Variants in TECPR2 observed in about 807,000 individuals in gnomAD.
TECPR2 encodes the protein tectonin beta-propeller repeat containing 2.
Under a neutral mutation model 138.1 loss-of-function variants are expected in TECPR2, and 65 were observed. The observed-to-expected ratio is 0.47, with a 90% CI of 0.39 to 0.58. The LOEUF (loss-of-function observed/expected upper bound fraction) is 0.58, where lower values mean the gene tolerates loss of function less well. Among genes scored for constraint, TECPR2 ranks in the 20% least tolerant of loss-of-function variants. The pLI, the probability that TECPR2 is intolerant of heterozygous loss-of-function variation, is 0.00. For missense variants in TECPR2, 1,553 were observed against 1,824.5 expected (o/e 0.85, Z 2.71); for synonymous variants, 746 against 749.8 (o/e 0.99, Z 0.08).
chr14:102,432,170 C>A lies in TECPR2; in HGVS notation c.1417+42C>A, dbSNP rs759815596. Reference sequence around the variant, plus strand: ...GCACACACCCATCTGGGGTTACAGTCTTTCCAGATTCTCTGGGAGTGCTGC... The same window carrying A: ...GCACACACCCATCTGGGGTTACAGTATTTCCAGATTCTCTGGGAGTGCTGC... On this transcript the variant is annotated intron_variant, in intron 8 of 19. Coordinates refer to ENST00000359520, the MANE Select transcript of TECPR2 (RefSeq NM_014844.5). 2.5e-5 allele frequency: 37 copies of A among 1,451,236 alleles called. No homozygotes were observed. In the African/African-American group the frequency reaches 4.7e-4, roughly 18 times the overall value. 89.9% of individuals were successfully genotyped at this position (1,451,236 alleles called of 1,614,324 possible). A position where few individuals can be genotyped will look rare whatever the true frequency, so the allele number is the denominator to read the frequency against.
At chr14:102,409,584 C>T (rs1888765318) in intron 4 of TECPR2, among the ~76,000 whole-genome samples, 1 of 152,110 alleles carries the variant, frequency 6.6e-6, no homozygotes, top group African/African-American at 2.4e-5. Flanking sequence ...CAGGCGTGAG[C>T]CACCACGCCC....
At chr14:102,481,093 A>G (rs1398039129) in intron 17 of TECPR2, among the ~76,000 whole-genome samples, 7 of 149,796 alleles carry the variant, frequency 4.7e-5, no homozygotes, top group Admixed American at 2.0e-4. Flanking sequence ...GCTCACTACA[A>G]CCTCTGCCTC....
intron 17 of TECPR2, among the ~76,000 whole-genome samples, chr14:102,486,961 C>T (rs868275590): frequency 1.2e-4 from 19 of 152,294 alleles, no homozygotes; most frequent in South Asian, 1.2e-3. Context: ...ACAGCTACCA[C>T]GGGGCCATGT....
chr14:102,434,759 C>T lies in TECPR2; in HGVS notation c.1942C>T (p.Leu648Phe). ...TFCEVPLLNSLTVPSSLSWAP... is the reference protein window; with the variant it reads ...TFCEVPLLNSFTVPSSLSWAP... Reference sequence around the variant, plus strand: ...TTGTGAAGTCCCCCTCCTGAACTCACTCACTGTGCCTTCCAGCCTCAGCTG... The same window carrying T: ...TTGTGAAGTCCCCCTCCTGAACTCATTCACTGTGCCTTCCAGCCTCAGCTG... Residue 648 changes from leucine to phenylalanine, a missense_variant, in exon 9 of 20, where the codon CTC (leucine) becomes TTC (phenylalanine). Coordinates refer to ENST00000359520, the MANE Select transcript of TECPR2 (RefSeq NM_014844.5). 1 of 1,613,496 alleles carries T rather than the reference C, an allele frequency of 6.2e-7. No individual in the cohort carries two copies. The highest frequency in any genetic ancestry group is 8.5e-7 in the Non-Finnish European group (1 of 1,180,040).
At chr14:102,408,442 T>G (rs2139694620) in intron 3 of TECPR2, 46 bp from the exon 4 acceptor site, 1 of 1,568,934 alleles carries the variant, frequency 6.4e-7, no homozygotes, top group South Asian at 1.2e-5. Context: ...GCTCACAGCA[T>G]TTATCCTTTT....
chr14:102,464,585 A>C (rs577840923), intron 16 of TECPR2, among the ~76,000 whole-genome samples: 2 of 152,166 alleles, frequency 1.3e-5, no homozygotes, highest in East Asian at 3.9e-4. Flanking sequence ...GGATCTCACT[A>C]TGCTGCCCAA....
intron 17 of TECPR2, among the ~76,000 whole-genome samples, chr14:102,482,473 C>T (rs1414552595): frequency 6.6e-6 from 1 of 152,242 alleles, no homozygotes; most frequent in Non-Finnish European, 1.5e-5. Context: ...ATCTCTCCTG[C>T]ACCCTCTTGG....
intron 2 of TECPR2, among the ~76,000 whole-genome samples, chr14:102,396,128 A>T (rs1888308861): frequency 7.1e-6 from 1 of 140,738 alleles, no homozygotes; most frequent in African/African-American, 2.7e-5. Context: ...TTTGAGATGG[A>T]GTCTTGCTCT....
intron 1 of TECPR2, among the ~76,000 whole-genome samples, chr14:102,371,431 C>A (rs964643051): frequency 2.0e-5 from 3 of 152,196 alleles, no homozygotes; most frequent in Non-Finnish European, 4.4e-5. Context: ...CTCCTCCTAT[C>A]TGAATGGTGG....
chr14:102,418,069 G>A (rs1335506737), intron 5 of TECPR2, among the ~76,000 whole-genome samples: 1 of 152,158 alleles, frequency 6.6e-6, no homozygotes, highest in Admixed American at 6.5e-5. Context: ...GACATAAGGG[G>A]TTTGACGGGC....
At position 102,415,166 on chromosome 14, in the gene TECPR2, C is replaced by T. The variant is rs1184773318; in HGVS notation, c.638+373C>T. Among the ~76,000 whole-genome samples, 2 of 152,214 alleles carry T rather than the reference C, an allele frequency of 1.3e-5. No homozygotes were observed. The highest frequency in any genetic ancestry group is 2.9e-5 in the Non-Finnish European group (2 of 68,028). ...TGTGGGGCTCACTCGTTATTCAGCA[C>T]GTGTTTACCATGCACCCCTGTGCAC... On this transcript the variant is annotated intron_variant, in intron 5 of 19. Transcript: ENST00000359520. The surrounding 1 kb of genome is among the most constrained non-coding windows in gnomAD (Gnocchi z 4.3).
intron 2 of TECPR2, among the ~76,000 whole-genome samples, chr14:102,400,500 A>G (rs1888449011): frequency 6.6e-6 from 1 of 152,210 alleles, no homozygotes; most frequent in Non-Finnish European, 1.5e-5. Context: ...ACCCAGCTGT[A>G]ATGGAGTGGA....
intron 7 of TECPR2, among the ~76,000 whole-genome samples, chr14:102,430,410 C>T (rs1758163432): frequency 6.6e-6 from 1 of 152,224 alleles, no homozygotes; most frequent in Admixed American, 6.5e-5. Context: ...CAGCAGAGTC[C>T]TCCCCTCCAG....
chr14:102,400,732 A>G (rs78594911), intron 2 of TECPR2, among the ~76,000 whole-genome samples: 5,730 of 152,262 alleles, frequency 0.038, 122 homozygotes, highest in Middle Eastern at 0.088. Flanking sequence ...ACCTTAAGGC[A>G]TATACAAAAC....
intron 2 of TECPR2, among the ~76,000 whole-genome samples, chr14:102,377,768 G>C (rs1187516202): frequency 1.3e-5 from 2 of 152,332 alleles, no homozygotes; most frequent in East Asian, 3.9e-4. Flanking sequence ...ACAACACTTT[G>C]AAAGCAGATA....
rs147513146 is a variant in TECPR2, at chr14:102,431,594, G to A, written c.1085-202G>A. Among the ~76,000 whole-genome samples the A allele has an allele frequency of 0.09, 13,662 of 152,080 alleles. 770 individuals carry two copies. The highest frequency in any genetic ancestry group is 0.17 in the African/African-American group (7,241 of 41,478). On this transcript the variant is annotated intron_variant, in intron 7 of 19. Transcript: ENST00000359520. ...CCTGACCTTGTGATCCGCCCGCCTT[G>A]GCCTCCCAAAGTGCTGGGATTACAG...
chr14:102,447,922 G>C (rs1452089015), intron 13 of TECPR2, among the ~76,000 whole-genome samples: 1 of 152,116 alleles, frequency 6.6e-6, no homozygotes, highest in African/African-American at 2.4e-5. Flanking sequence ...GTCTTGCATT[G>C]ACTGCTCTGA....
chr14:102,463,005 A>G (rs956049411), intron 16 of TECPR2, among the ~76,000 whole-genome samples: 1 of 152,168 alleles, frequency 6.6e-6, no homozygotes, highest in Non-Finnish European at 1.5e-5. Flanking sequence ...ACATGATACA[A>G]CTTCACCTCT....
chr14:102,379,734 A>G (rs1173759221), intron 2 of TECPR2, among the ~76,000 whole-genome samples: 24 of 131,548 alleles, frequency 1.8e-4, no homozygotes, highest in South Asian at 5.1e-4. Context: ...GAGGCATCTT[A>G]GTCACACTGC....
Sources: gnomAD v4.1 joint callset for allele counts (sites outside exome capture counted in the v4.1 genomes callset) on GRCh38, gnomAD v4.1.1 for gene constraint, Gnocchi (gnomAD v3.1) non-coding constraint, MANE v1.5 for transcripts, NCBI Gene and HGNC (gene_info 2026-07-23, HGNC 2026-07-21) for gene names.